Variants in TBCA observed in about 807,000 individuals in gnomAD.
TBCA encodes the protein tubulin folding cofactor A.
In TBCA, 6 loss-of-function variants were observed where a neutral mutation model predicts 15.8. That is an observed-to-expected ratio of 0.38 (90% CI 0.21 to 0.75). The LOEUF (loss-of-function observed/expected upper bound fraction) is 0.75, where lower values mean the gene tolerates loss of function less well. Among genes scored for constraint, TBCA ranks in the 30% least tolerant of loss-of-function variants. TBCA has a pLI of 0.46. For synonymous variants in TBCA, 32 were observed against 42.3 expected, an observed-to-expected ratio of 0.76 and a Z score of 0.94; for missense variants, 90 against 131.2, an observed-to-expected ratio of 0.69 and a Z score of 1.53.
At chr5:77,705,550 G>A (rs1386921407) in intron 2 of TBCA, 1 of 398,650 alleles carries the variant, frequency 2.5e-6, no homozygotes, top group Non-Finnish European at 4.4e-6. Context: ...GACAAGGCCA[G>A]GTAGGGGGGA....
At chr5:77,775,932 G>C (rs1310395933) in intron 1 of TBCA, among the ~76,000 whole-genome samples, 2 of 152,136 alleles carry the variant, frequency 1.3e-5, no homozygotes, top group Non-Finnish European at 2.9e-5. Flanking sequence ...TTCCCACCGC[G>C]GGCGCCGAGA....
chr5:77,728,131 AAG>A (rs1746672449), intron 1 of TBCA, among the ~76,000 whole-genome samples: 4 of 152,158 alleles, frequency 2.6e-5, no homozygotes, highest in Admixed American at 2.0e-4. Flanking sequence ...ACATGGAATA[AAG>A]AGATTATAAA....
At chr5:77,704,221 T>C (rs1746092523) in intron 2 of TBCA, among the ~76,000 whole-genome samples, 1 of 152,174 alleles carries the variant, frequency 6.6e-6, no homozygotes. Flanking sequence ...CTACCCAGCT[T>C]GGCCTCCCAA....
chr5:77,713,913 T>A (rs930954518), intron 1 of TBCA, among the ~76,000 whole-genome samples: 9 of 148,368 alleles, frequency 6.1e-5, no homozygotes, highest in Admixed American at 2.7e-4. Flanking sequence ...ATTTTTTTTT[T>A]AAAAGAATAA....
At position 77,692,435 on chromosome 5, in the gene TBCA, C is replaced by CATTATTATT. The variant is rs757164327; in HGVS notation, c.246+822_246+830dup. On this transcript the variant is annotated intron_variant, in intron 3 of 3. Coordinates refer to ENST00000380377, the MANE Select transcript of TBCA (RefSeq NM_004607.3). The stretch of plus-strand genomic sequence containing the variant: ...CACATACAAATATATCATCCAAATA[C>CATTATTATT]ATTATTATTATTATTATTATTTTGG... 80 of 949,536 alleles carry CATTATTATT rather than the reference C, an allele frequency of 8.4e-5. No homozygotes were observed. The African/African-American group carries it at 1.2e-3, about 15-fold the overall frequency. The allele number at this position is 949,536 out of a possible 1,614,324, so 58.8% of individuals were successfully genotyped here.
In TBCA at chr5:77,727,332, C is replaced by T. The variant is rs141971474; in HGVS notation, c.54-18985G>A. Among the ~76,000 whole-genome samples, 324 of 151,632 alleles carry T rather than the reference C, an allele frequency of 2.1e-3. 1 individual carries two copies. The highest frequency in any genetic ancestry group is 7.5e-3 in the African/African-American group (310 of 41,334). ...AGAGCTACAACTGAAATCCAGATTG[C>T]CTAATTTACAAGACAGAGTTCTTGC... On this transcript the variant is annotated intron_variant, in intron 1 of 3. Transcript: ENST00000380377.
At chr5:77,751,159 C>CT (rs10573352) in intron 1 of TBCA, among the ~76,000 whole-genome samples, 253 of 81,764 alleles carry the variant, frequency 3.1e-3, no homozygotes, top group East Asian at 0.018. Flanking sequence ...TTCTTTCTTT[C>CT]TTTTTTTTTT....
At chr5:77,697,352 TAA>T (rs1213675836) in intron 2 of TBCA, among the ~76,000 whole-genome samples, 2 of 152,108 alleles carry the variant, frequency 1.3e-5, no homozygotes, top group African/African-American at 4.8e-5. Flanking sequence ...TTTACTGAAG[TAA>T]GCCACATTCT....
chr5:77,747,036 T>C (rs2112486973), intron 1 of TBCA, among the ~76,000 whole-genome samples: 1 of 152,210 alleles, frequency 6.6e-6, no homozygotes. Flanking sequence ...TAAACAAAAA[T>C]TTAAGCTATT....
chr5:77,713,421 C>T (rs913627435), intron 1 of TBCA, among the ~76,000 whole-genome samples: 21 of 152,060 alleles, frequency 1.4e-4, no homozygotes. Flanking sequence ...GAGATGACAG[C>T]ATATTGAAGT....
At chr5:77,725,434 ATT>A (rs1271434760) in intron 1 of TBCA, among the ~76,000 whole-genome samples, 3 of 152,234 alleles carry the variant, frequency 2.0e-5, no homozygotes, top group Non-Finnish European at 4.4e-5. Context: ...ACATTGATAA[ATT>A]TTGATTATTT....
At chr5:77,771,310 C>T (rs1393202867) in intron 1 of TBCA, among the ~76,000 whole-genome samples, 2 of 152,050 alleles carry the variant, frequency 1.3e-5, no homozygotes, top group African/African-American at 4.8e-5. Context: ...AATCTTGTTG[C>T]TGGAAGATAT....
At chr5:77,722,256 C>T (rs1208228879) in intron 1 of TBCA, among the ~76,000 whole-genome samples, 1 of 151,978 alleles carries the variant, frequency 6.6e-6, no homozygotes, top group Admixed American at 6.5e-5. Context: ...AACAAAGACA[C>T]AGGAGCTGTA....
At chr5:77,744,451 C>A (rs1747128881) in intron 1 of TBCA, among the ~76,000 whole-genome samples, 1 of 151,836 alleles carries the variant, frequency 6.6e-6, no homozygotes, top group African/African-American at 2.4e-5. Flanking sequence ...TTTGTCATAA[C>A]CTCCTCTGAC....
At chr5:77,750,471 G>A (rs1161996235) in intron 1 of TBCA, among the ~76,000 whole-genome samples, 1 of 151,970 alleles carries the variant, frequency 6.6e-6, no homozygotes, top group Non-Finnish European at 1.5e-5. Flanking sequence ...GTCTAAAAAA[G>A]GTCTAGTCCA....
chr5:77,692,028 C>A (rs1451945786), intron 3 of TBCA: 1 of 985,178 alleles, frequency 1.0e-6, no homozygotes, highest in African/African-American at 1.7e-5. Context: ...AAACAAAATA[C>A]ATCTTTCATT....
rs529977732 is a variant in TBCA at position 77,734,364 on chromosome 5, A to G, written c.54-26017T>C. Reference sequence around the variant, plus strand: ...TTTGAAAACCTTCTGGAAAGGATTCACGATTCTAGATGCCATTAAGAACAT... The same window carrying G: ...TTTGAAAACCTTCTGGAAAGGATTCGCGATTCTAGATGCCATTAAGAACAT... On this transcript the variant is annotated intron_variant, in intron 1 of 3. Transcript: ENST00000380377. Among the ~76,000 whole-genome samples, 7 of 152,334 alleles carry G rather than the reference A, an allele frequency of 4.6e-5. No individual in the cohort carries two copies. The South Asian group carries it at 1.0e-3, about 23-fold the overall frequency.
intron 1 of TBCA, among the ~76,000 whole-genome samples, chr5:77,773,562 G>T (rs2112523916): frequency 6.6e-6 from 1 of 152,230 alleles, no homozygotes; most frequent in East Asian, 1.9e-4. Flanking sequence ...CCACAACATA[G>T]AATAAAGGGC....
At chr5:77,772,835 G>A (rs1561287799) in intron 1 of TBCA, among the ~76,000 whole-genome samples, 1 of 152,150 alleles carries the variant, frequency 6.6e-6, no homozygotes, top group Non-Finnish European at 1.5e-5. Flanking sequence ...GTTTACATAA[G>A]CATTGAAAAC....
Sources: gnomAD v4.1 joint callset for allele counts (sites outside exome capture counted in the v4.1 genomes callset) on GRCh38, gnomAD v4.1.1 for gene constraint, MANE v1.5 for transcripts, NCBI Gene and HGNC (gene_info 2026-07-23, HGNC 2026-07-21) for gene names.